LTF: variants seen among roughly 807,000 people sequenced by gnomAD.
LTF encodes the protein lactotransferrin.
LTF carries 91 observed loss-of-function variants against 87.2 expected under a neutral mutation model. That is an observed-to-expected ratio of 1.04 (90% CI 0.88 to 1.24). LTF has a LOEUF of 1.24. LTF is among the 50% of genes most tolerant of loss of function. LTF has a pLI of 0.00. For synonymous variants in LTF, 378 were observed against 356.1 expected, an observed-to-expected ratio of 1.06 and a Z score of -0.69; for missense variants, 901 against 904.3, an observed-to-expected ratio of 1.00 and a Z score of 0.05.
In LTF at chr3:46,450,569, G is replaced by A; in HGVS notation, c.808C>T (p.Pro270Ser). 1.2e-6 allele frequency: 2 copies of A among 1,614,108 alleles called. No individual in the cohort carries two copies. Among genetic ancestry groups the A allele is most frequent in the Non-Finnish European group, 1.7e-6 (2 of 1,180,036 alleles). Residue 270 changes from proline (P) to serine (S), a missense_variant, in exon 7 of 17, where the codon CCT becomes TCT. Coordinates refer to ENST00000231751, the MANE Select transcript of LTF (RefSeq NM_002343.6). ...KFKDCHLARV[P>S]SHAVVARSVN... ...CTTCGTGCCACAACGGCATGAGAAG[G>A]GACCCGGGCCAGATGGCAGTCTTTG...
rs371574552 is a variant in LTF, at chr3:46,448,952, G to T, written c.1123C>A (p.Arg375Ser). Residue 375 changes from arginine to serine, a missense_variant, in exon 9 of 17, where the codon CGC becomes AGC. Transcript: ENST00000231751. ...VWCAVGEQEL[R>S]KCNQWSGLSE... ...AAGCCACTCCACTGGTTACACTTGC[G>T]CAGCTCCTGCTCGCCCACCGCACAC... 2 of 1,613,408 alleles carry T rather than the reference G, an allele frequency of 1.2e-6. No homozygotes were observed. The highest frequency in any genetic ancestry group is 4.5e-5 in the East Asian group (2 of 44,790).
intron 2 of LTF, among the ~76,000 whole-genome samples, chr3:46,458,290 C>A (rs756247729): frequency 6.6e-6 from 1 of 152,164 alleles, no homozygotes; most frequent in African/African-American, 2.4e-5. Context: ...TGCTAGTTAA[C>A]CTGCCCCCTA....
intron 11 of LTF, 87 bp from the exon 12 acceptor site, chr3:46,445,523 C>CAAAACAGGCCAAGAAGCA (rs1702632364): frequency 1.7e-6 from 2 of 1,179,790 alleles, no homozygotes; most frequent in Non-Finnish European, 2.4e-6. Flanking sequence ...CAGCCCAGGC[C>CAAAACAGGCCAAGAAGCA]AAAACAGGCC....
intron 1 of LTF, among the ~76,000 whole-genome samples, chr3:46,476,860 A>C (rs974495764): frequency 6.6e-6 from 1 of 152,218 alleles, no homozygotes; most frequent in Admixed American, 6.5e-5. Context: ...TTGTTCCATA[A>C]AGAAATAGCT....
At chr3:46,447,433 G>A (rs764462769) in intron 9 of LTF, 35 bp from the exon 10 acceptor site, 1 of 1,460,780 alleles carries the variant, frequency 6.8e-7, no homozygotes, top group South Asian at 1.1e-5. Flanking sequence ...GCACCACAGT[G>A]AGGCTGCATC....
rs10662431 is a variant in LTF at position 46,459,794 on chromosome 3, C to CCTT, written c.68_69insAAG (p.Arg23dup). The stretch of plus-strand genomic sequence containing the variant: ...GGGATACGGCGCACCACTGAACACT[C>CCTT]CTCCTACGGCCAGCCAGACACAGTC... On this transcript the variant is annotated inframe_insertion, in exon 2 of 17. Transcript: ENST00000231751. 0.97 allele frequency: 1,519,754 copies of CCTT among 1,564,228 alleles called. 738,447 individuals carry two copies. Among genetic ancestry groups the CCTT allele is most frequent in the East Asian group, 1 (39,820 of 39,824 alleles).
intron 14 of LTF, among the ~76,000 whole-genome samples, chr3:46,441,183 G>GTC (rs1350079503): frequency 6.8e-6 from 1 of 147,622 alleles, no homozygotes; most frequent in Non-Finnish European, 1.5e-5. Context: ...GTGAGTGTGT[G>GTC]TGTGTGTGTG....
chr3:46,437,045 C>T (rs1309917047), intron 16 of LTF, among the ~76,000 whole-genome samples: 1 of 152,176 alleles, frequency 6.6e-6, no homozygotes, highest in African/African-American at 2.4e-5. Flanking sequence ...CTGCCCCCAT[C>T]CTTGGACCAA....
At position 46,455,874 on chromosome 3, in the gene LTF, T is replaced by G. The variant is rs1300196776; in HGVS notation, c.421A>C (p.Thr141Pro). The G allele has an allele frequency of 1.2e-6, 2 of 1,613,528 alleles. No homozygotes were observed. The highest frequency in any genetic ancestry group is 1.7e-6 in the Non-Finnish European group (2 of 1,179,858). The change falls in exon 4 of 17, where the codon ACC (threonine) becomes CCC (proline). Residue 141 changes from threonine to proline, a missense_variant. Coordinates refer to ENST00000231751, the MANE Select transcript of LTF (RefSeq NM_002343.6). ...CCTATAGGGACATTCCATCCAGCGG[T>G]CCTGCGAAGGCCTGTGTGGCAGGAC... Reference protein sequence around the residue: ...LKSCHTGLRRTAGWNVPIGTL... With the variant: ...LKSCHTGLRRPAGWNVPIGTL...
upstream of LTF, among the ~76,000 whole-genome samples, chr3:46,467,984 C>A (rs1224284936): frequency 6.6e-6 from 1 of 152,178 alleles, no homozygotes. Context: ...AACCCTGAAC[C>A]TTTTCTCATA....
chr3:46,480,149 A>G (rs1484476358), intron 1 of LTF, among the ~76,000 whole-genome samples: 1 of 152,340 alleles, frequency 6.6e-6, no homozygotes, highest in South Asian at 2.1e-4. Flanking sequence ...ACTCGCTGCC[A>G]TTCAGAATGG....
chr3:46,438,977 G>C (rs1239744734), intron 15 of LTF, among the ~76,000 whole-genome samples: 1 of 152,092 alleles, frequency 6.6e-6, no homozygotes, highest in Non-Finnish European at 1.5e-5. Flanking sequence ...TGGGAGGAAG[G>C]CTCAGTGGCT....
upstream of LTF, chr3:46,465,096 C>T: frequency 1.7e-6 from 1 of 586,542 alleles, no homozygotes; most frequent in East Asian, 3.0e-5. Flanking sequence ...TGCACCTCAC[C>T]TGTCCTGGTT....
intron 6 of LTF, among the ~76,000 whole-genome samples, chr3:46,452,088 A>G (rs1702816444): frequency 6.6e-6 from 1 of 152,262 alleles, no homozygotes. Flanking sequence ...GGAAAAAGAC[A>G]CACTCTTATT....
chr3:46,445,169 T>A (rs1702617615), intron 12 of LTF, 112 bp downstream of exon 12: 4 of 1,142,074 alleles, frequency 3.5e-6, no homozygotes, highest in Non-Finnish European at 4.9e-6. Flanking sequence ...GGAAGAGGCC[T>A]GCAGGCCACT....
intron 2 of LTF, among the ~76,000 whole-genome samples, chr3:46,457,404 C>G (rs1702963820): frequency 6.6e-6 from 1 of 152,156 alleles, no homozygotes; most frequent in African/African-American, 2.4e-5. Flanking sequence ...TCATGAATAT[C>G]TTTGTCCTCA....
chr3:46,469,277 G>C (rs1196300688), upstream of LTF, among the ~76,000 whole-genome samples: 1 of 152,188 alleles, frequency 6.6e-6, no homozygotes, highest in Admixed American at 6.5e-5. Context: ...TCTCCTCCAT[G>C]AGCCAAGAAC....
Position 46,455,383 on chromosome 3 carries a change from T to G in LTF, c.559A>C (p.Asn187His), listed in dbSNP as rs1351032420. Residue 187 changes from asparagine to histidine, a missense_variant, in exon 5 of 17, where the codon AAC (asparagine) becomes CAC (histidine). Transcript: ENST00000231751. ...GTCCCCGCACACAGGCGACACAGGT[T>G]GGGGAACTGTCCTTTATCTGCACCG... ...VPGADKGQFP[N>H]LCRLCAGTGE... is the part of the protein sequence containing the mutation. 3 of 1,614,098 alleles carry G rather than the reference T, an allele frequency of 1.9e-6. No homozygotes were observed. In the African/African-American group the frequency reaches 4.0e-5, roughly 22 times the overall value.
intron 16 of LTF, among the ~76,000 whole-genome samples, chr3:46,437,320 ATT>A (rs10667876): frequency 2.3e-5 from 3 of 131,476 alleles, no homozygotes; most frequent in Admixed American, 7.6e-5. Flanking sequence ...CTAGAATCAG[ATT>A]TTTTTTTTTT....
Sources: allele counts gnomAD v4.1 joint callset (sites outside exome capture counted in the v4.1 genomes callset), GRCh38; gene constraint gnomAD v4.1.1; transcripts MANE v1.5; gene names NCBI Gene and HGNC (gene_info 2026-07-23, HGNC 2026-07-21).